The following KHDRBS2 variants were observed in gnomAD, a reference collection of about 807,000 sequenced individuals.
The protein encoded by KHDRBS2 is KH RNA binding domain containing, signal transduction associated 2.
A neutral mutation model predicts 44.3 loss-of-function variants in KHDRBS2; 26 were observed. That is an observed-to-expected ratio of 0.59 (90% CI 0.43 to 0.81). The LOEUF (loss-of-function observed/expected upper bound fraction) is 0.81, where lower values mean the gene tolerates loss of function less well. Among genes scored for constraint, KHDRBS2 ranks in the 40% least tolerant of loss-of-function variants. The probability of loss-of-function intolerance (pLI) is 0.00; values close to 1 mark genes in which losing one functional copy is unlikely to be tolerated. For synonymous variants in KHDRBS2, 194 were observed against 151.1 expected, an observed-to-expected ratio of 1.28 and a Z score of -2.08; for missense variants, 476 against 433.1, an observed-to-expected ratio of 1.10 and a Z score of -0.88.
At chr6:61,993,671 A>ATTT (rs1227455987) in intron 3 of KHDRBS2, among the ~76,000 whole-genome samples, 24 of 121,870 alleles carry the variant, frequency 2.0e-4, no homozygotes, top group African/African-American at 7.2e-4. Context: ...ATATATATAT[A>ATTT]TATTTTTTTT....
At chr6:61,648,748 A>C in the KHDRBS2 span, among the ~76,000 whole-genome samples, 1 of 152,152 alleles carries the variant, frequency 6.6e-6, no homozygotes, top group Non-Finnish European at 1.5e-5. Context: ...GGCCTGAGTA[A>C]AATATAAATA....
intron 6 of KHDRBS2, among the ~76,000 whole-genome samples, chr6:61,870,384 A>G (rs144831601): frequency 2.0e-5 from 3 of 152,290 alleles, no homozygotes; most frequent in African/African-American, 7.2e-5. Flanking sequence ...AAAAGGCAGC[A>G]GCCTCATTCA....
At chr6:62,085,091 A>C (rs1265333868) in intron 2 of KHDRBS2, among the ~76,000 whole-genome samples, 1 of 152,196 alleles carries the variant, frequency 6.6e-6, no homozygotes, top group Non-Finnish European at 1.5e-5. Flanking sequence ...CTCTATTAGA[A>C]TTCTAAAGGA....
intron 4 of KHDRBS2, among the ~76,000 whole-genome samples, chr6:61,973,752 A>C (rs1207078091): frequency 6.6e-6 from 1 of 152,170 alleles, no homozygotes; most frequent in African/African-American, 2.4e-5. Flanking sequence ...ACCTCTAGTG[A>C]TAATCATTAA....
At chr6:62,034,405 G>A (rs1490542044) in intron 3 of KHDRBS2, among the ~76,000 whole-genome samples, 2 of 151,738 alleles carry the variant, frequency 1.3e-5, no homozygotes, top group Admixed American at 6.6e-5. Context: ...GATGAATATT[G>A]ACACAAAAAT....
intron 6 of KHDRBS2, among the ~76,000 whole-genome samples, chr6:61,765,010 T>C (rs1779799731): frequency 6.6e-6 from 1 of 152,170 alleles, no homozygotes; most frequent in Non-Finnish European, 1.5e-5. Context: ...GAAATCAAGA[T>C]TAATAATAAT....
intron 3 of KHDRBS2, among the ~76,000 whole-genome samples, chr6:62,025,609 C>G (rs1386257959): frequency 6.6e-6 from 1 of 151,746 alleles, no homozygotes; most frequent in African/African-American, 2.4e-5. Flanking sequence ...CAACAAATAA[C>G]AAGTTTGTAT....
rs368920978 is a variant in KHDRBS2 at position 62,114,211 on chromosome 6, C to A, written c.219+62974G>T. 3.2e-4 allele frequency among the ~76,000 whole-genome samples: 49 copies of A among 152,158 alleles called. No homozygotes were observed. The South Asian group carries it at 7.3e-3, about 23-fold the overall frequency. On this transcript the variant is annotated intron_variant, in intron 2 of 8. Transcript: ENST00000281156. ...TTCAAGATGAGATTTGGGTGGGACA[C>A]AGCCAAACCATATCAATTCCTATCC...
the KHDRBS2 span, among the ~76,000 whole-genome samples, chr6:61,559,353 GTTT>G: frequency 6.8e-6 from 1 of 146,548 alleles, no homozygotes; most frequent in Non-Finnish European, 1.5e-5. Flanking sequence ...TTGGGTTTGG[GTTT>G]TTTTTTTTCT....
intron 3 of KHDRBS2, among the ~76,000 whole-genome samples, chr6:62,043,237 C>G (rs185238030): frequency 3.9e-5 from 6 of 152,180 alleles, no homozygotes; most frequent in Admixed American, 3.3e-4. Context: ...TCAACACCCC[C>G]CAAAATAGCA....
intron 1 of KHDRBS2, among the ~76,000 whole-genome samples, chr6:62,244,595 AATTTTTTTTTC>A (rs1222927865): frequency 1.6e-4 from 25 of 152,238 alleles, no homozygotes; most frequent in African/African-American, 5.8e-4. Flanking sequence ...ATATTTACAC[AATTTTTTTTTC>A]ATTTTTCAAC....
intron 4 of KHDRBS2, among the ~76,000 whole-genome samples, chr6:61,925,532 G>A (rs560417117): frequency 8.9e-4 from 136 of 152,154 alleles, no homozygotes; most frequent in African/African-American, 2.8e-3. Flanking sequence ...CCTCGGCAAC[G>A]TAGTGAGACC....
intron 1 of KHDRBS2, among the ~76,000 whole-genome samples, chr6:62,268,873 G>C (rs1585527727): frequency 6.6e-6 from 1 of 151,452 alleles, no homozygotes; most frequent in Non-Finnish European, 1.5e-5. Context: ...TCATGCAGAG[G>C]GTCAATATTG....
chr6:61,576,868 A>G, the KHDRBS2 span, among the ~76,000 whole-genome samples: 1 of 152,158 alleles, frequency 6.6e-6, no homozygotes, highest in African/African-American at 2.4e-5. Flanking sequence ...TGCAGTTAAA[A>G]TACTGTCTAA....
intron 6 of KHDRBS2, among the ~76,000 whole-genome samples, chr6:61,870,956 A>G (rs1179295027): frequency 6.6e-6 from 1 of 152,184 alleles, no homozygotes; most frequent in African/African-American, 2.4e-5. Flanking sequence ...TTCTCCTCCA[A>G]AGGATCACAA....
At chr6:61,634,154 A>T in the KHDRBS2 span, among the ~76,000 whole-genome samples, 2 of 152,014 alleles carry the variant, frequency 1.3e-5, no homozygotes, top group Non-Finnish European at 2.9e-5. Flanking sequence ...AGAAGGATTT[A>T]AAAAGGCTTT....
At chr6:61,771,729 A>C (rs887600291) in intron 6 of KHDRBS2, among the ~76,000 whole-genome samples, 3 of 152,174 alleles carry the variant, frequency 2.0e-5, no homozygotes, top group Non-Finnish European at 4.4e-5. Flanking sequence ...CTCACACACA[A>C]TAATAATGAG....
the KHDRBS2 span, among the ~76,000 whole-genome samples, chr6:61,602,802 T>C: frequency 6.3e-4 from 96 of 152,268 alleles, no homozygotes; most frequent in Middle Eastern, 3.4e-3. Context: ...TGGTGCCAAC[T>C]TAGACAATAC....
At chr6:62,181,461 C>T (rs771939354) in intron 1 of KHDRBS2, among the ~76,000 whole-genome samples, 7 of 151,810 alleles carry the variant, frequency 4.6e-5, no homozygotes, top group Non-Finnish European at 7.4e-5. Flanking sequence ...CATCACTAAT[C>T]GTCAGAGAAA....
Sources: gnomAD v4.1 joint callset for allele counts (sites outside exome capture counted in the v4.1 genomes callset) on GRCh38, gnomAD v4.1.1 for gene constraint, MANE v1.5 for transcripts, NCBI Gene and HGNC (gene_info 2026-07-23, HGNC 2026-07-21) for gene names.